Variants in RNF169 observed in about 807,000 individuals in gnomAD.
RNF169 encodes ring finger protein 169.
RNF169 carries 24 observed loss-of-function variants against 53.9 expected under a neutral mutation model. The observed-to-expected ratio is 0.45, with a 90% CI of 0.32 to 0.63. RNF169 has a LOEUF of 0.63. RNF169 is among the 20% of genes least tolerant of loss of function. RNF169 has a pLI of 0.04. For missense variants in RNF169, 883 were observed against 906.2 expected (o/e 0.97, Z 0.33); for synonymous variants, 396 against 363.5 (o/e 1.09, Z -1.02).
chr11:74,809,112 TTGTG>T (rs924728166), intron 2 of RNF169, among the ~76,000 whole-genome samples: 280 of 152,248 alleles, frequency 1.8e-3, no homozygotes, highest in African/African-American at 6.5e-3. Flanking sequence ...TTTCCTGTTT[TTGTG>T]TGTTTGTTTT....
chr11:74,821,382 GGCGCGGTGGCTCACGCCTGT>G (rs2036007563), intron 4 of RNF169, among the ~76,000 whole-genome samples: 1 of 68,916 alleles, frequency 1.5e-5, no homozygotes, highest in East Asian at 3.7e-4. Flanking sequence ...GTGCGGGCCG[GGCGCGGTGGCTCACGCCTGT>G]AATCCCAGCA....
At chr11:74,772,679 A>G (rs2035277895) in intron 1 of RNF169, among the ~76,000 whole-genome samples, 1 of 152,190 alleles carries the variant, frequency 6.6e-6, no homozygotes, top group South Asian at 2.1e-4. Flanking sequence ...TAATAATGGT[A>G]ACAGCCTCAA....
At chr11:74,760,184 A>G (rs2035058051) in intron 1 of RNF169, among the ~76,000 whole-genome samples, 1 of 150,950 alleles carries the variant, frequency 6.6e-6, no homozygotes, top group East Asian at 2.0e-4. Flanking sequence ...TATTGTGTCT[A>G]TTTGATTCTT....
chr11:74,827,602 T>A (rs1246561037), intron 4 of RNF169, among the ~76,000 whole-genome samples: 1 of 152,178 alleles, frequency 6.6e-6, no homozygotes, highest in Non-Finnish European at 1.5e-5. Context: ...ATTATGGGGA[T>A]TATAATTCAA....
intron 4 of RNF169, among the ~76,000 whole-genome samples, chr11:74,830,361 TAAG>T (rs1309782779): frequency 3.3e-5 from 5 of 151,972 alleles, no homozygotes; most frequent in African/African-American, 1.2e-4. Context: ...ATTACAGAAT[TAAG>T]AAGGATTATA....
chr11:74,799,358 T>C (rs150563384), intron 2 of RNF169, among the ~76,000 whole-genome samples: 8 of 152,260 alleles, frequency 5.3e-5, no homozygotes, highest in South Asian at 2.1e-4. Context: ...ACATTAGATA[T>C]GGTTGTTGTC....
chr11:74,832,941 C>T (rs1384134464), intron 4 of RNF169, among the ~76,000 whole-genome samples: 1 of 152,046 alleles, frequency 6.6e-6, no homozygotes, highest in African/African-American at 2.4e-5. Flanking sequence ...TTTTACACAG[C>T]TGCTTTTATA....
chr11:74,812,003 T>TAATTTAA, intron 3 of RNF169, among the ~76,000 whole-genome samples: 3 of 152,248 alleles, frequency 2.0e-5, no homozygotes, highest in African/African-American at 7.2e-5. Context: ...TAGAGAGAGC[T>TAATTTAA]GACCCTTAAC....
In RNF169 at chr11:74,748,946, G is replaced by A. The variant is rs545344016; in HGVS notation, c.66G>A (p.Arg22=). The part of the protein sequence containing the change: ...SAAAAAALSR[R]GRRGRCDETA... ...CGGCAGCAGCCGCTCTGAGTCGGCGGGGCCGGCGGGGCCGCTGTGACGAGA... is the reference window on the plus strand; with the variant it reads ...CGGCAGCAGCCGCTCTGAGTCGGCGAGGCCGGCGGGGCCGCTGTGACGAGA... Residue 22 remains arginine (R), a synonymous_variant, in exon 1 of 6, where the codon CGG becomes CGA. Coordinates refer to ENST00000299563, the MANE Select transcript of RNF169 (RefSeq NM_001098638.2). The A allele has an allele frequency of 1.6e-4, 233 of 1,459,354 alleles. No individual in the cohort carries two copies. Among genetic ancestry groups the A allele is most frequent in the Middle Eastern group, 9.6e-4 (5 of 5,204 alleles). 90.4% of individuals were successfully genotyped at this position (1,459,354 alleles called of 1,614,324 possible).
At chr11:74,782,371 C>T (rs1034631065) in intron 1 of RNF169, among the ~76,000 whole-genome samples, 3 of 152,168 alleles carry the variant, frequency 2.0e-5, no homozygotes, top group East Asian at 1.9e-4. Flanking sequence ...ATTAGGAACA[C>T]GGCCACACAG....
chr11:74,774,345 CA>C (rs35058879), intron 1 of RNF169, among the ~76,000 whole-genome samples: 3,417 of 125,440 alleles, frequency 0.027, 134 homozygotes, highest in African/African-American at 0.093. Flanking sequence ...GACCCTGTTT[CA>C]AAAAAAAAAA....
intron 2 of RNF169, among the ~76,000 whole-genome samples, chr11:74,797,899 C>A (rs2035672112): frequency 6.6e-6 from 1 of 152,172 alleles, no homozygotes; most frequent in Non-Finnish European, 1.5e-5. Context: ...ATTAGTTCCC[C>A]AAATTAATAC....
At chr11:74,767,838 A>G (rs756080393) in intron 1 of RNF169, among the ~76,000 whole-genome samples, 7 of 151,516 alleles carry the variant, frequency 4.6e-5, no homozygotes, top group Non-Finnish European at 1.0e-4. Flanking sequence ...CGGCCTCCCC[A>G]TTCTTTTTTA....
chr11:74,756,065 G>A (rs2034977864), intron 1 of RNF169, among the ~76,000 whole-genome samples: 2 of 152,146 alleles, frequency 1.3e-5, no homozygotes, highest in South Asian at 2.1e-4. Context: ...GGCAAGCGAC[G>A]AAGAGGGCCT....
At chr11:74,823,404 C>T (rs1489825263) in intron 4 of RNF169, among the ~76,000 whole-genome samples, 2 of 152,052 alleles carry the variant, frequency 1.3e-5, no homozygotes, top group Non-Finnish European at 2.9e-5. Context: ...GGAAACTAAT[C>T]AAAAGTTTAC....
chr11:74,834,141 T>C (rs767249781), intron 4 of RNF169, among the ~76,000 whole-genome samples: 1 of 152,214 alleles, frequency 6.6e-6, no homozygotes, highest in Non-Finnish European at 1.5e-5. Context: ...ATGTGTTCTT[T>C]AAACCTCTGA....
chr11:74,752,251 A>G (rs1200377644), intron 1 of RNF169, among the ~76,000 whole-genome samples: 1 of 148,526 alleles, frequency 6.7e-6, no homozygotes, highest in Non-Finnish European at 1.5e-5. Flanking sequence ...AAAAAAAAAA[A>G]AGGGAAAAAA....
intron 4 of RNF169, 92 bp downstream of exon 4, chr11:74,817,806 A>G (rs1394443291): frequency 2.2e-5 from 18 of 805,070 alleles, no homozygotes; most frequent in South Asian, 4.5e-5. Flanking sequence ...TGTTGTGGCT[A>G]CTTTGGTGGG....
intron 5 of RNF169, among the ~76,000 whole-genome samples, 196 bp downstream of exon 5, chr11:74,834,971 A>G (rs1325184511): frequency 6.6e-6 from 1 of 152,106 alleles, no homozygotes; most frequent in African/African-American, 2.4e-5. Context: ...AATTAGGGCT[A>G]CTAGAGAATC....
Sources: allele counts gnomAD v4.1 joint callset (sites outside exome capture counted in the v4.1 genomes callset), GRCh38; gene constraint gnomAD v4.1.1; transcripts MANE v1.5; gene names NCBI Gene and HGNC (gene_info 2026-07-23, HGNC 2026-07-21).